The following HSPA12A variants were observed in gnomAD, a reference collection of about 807,000 sequenced individuals.
HSPA12A encodes the protein heat shock 70 kDa protein 12A.
In HSPA12A, 28 loss-of-function variants were observed where a neutral mutation model predicts 69.2. The observed-to-expected ratio is 0.40, with a 90% confidence interval of 0.30 to 0.55. HSPA12A has a LOEUF of 0.55. Among genes scored for constraint, HSPA12A ranks in the 20% least tolerant of loss-of-function variants. The pLI, the probability that HSPA12A is intolerant of heterozygous loss-of-function variation, is 0.38. For missense variants in HSPA12A, 686 were observed against 900.7 expected, an observed-to-expected ratio of 0.76 and a Z score of 3.05; for synonymous variants, 345 against 370.5, an observed-to-expected ratio of 0.93 and a Z score of 0.79.
At chr10:116,742,596 G>T, upstream of HSPA12A, 2 of 1,109,732 alleles carry the variant, frequency 1.8e-6, no homozygotes, top group South Asian at 8.7e-5. Flanking sequence ...GCGCTGCTCT[G>T]ACGCGGCAGC....
chr10:116,801,192 G>A (rs989650250), intron 2 of HSPA12A, among the ~76,000 whole-genome samples: 2 of 152,180 alleles, frequency 1.3e-5, no homozygotes, highest in Non-Finnish European at 2.9e-5. Context: ...GTGCATAATG[G>A]CTGGATTCTA....
chr10:116,811,532 G>C (rs995309052), intron 2 of HSPA12A, among the ~76,000 whole-genome samples: 2 of 136,134 alleles, frequency 1.5e-5, no homozygotes, highest in African/African-American at 5.6e-5. Flanking sequence ...ATTTCTCACT[G>C]ATCTTCCTTC....
chr10:116,793,521 C>G (rs1315333051), intron 2 of HSPA12A, among the ~76,000 whole-genome samples: 1 of 152,076 alleles, frequency 6.6e-6, no homozygotes, highest in African/African-American at 2.4e-5. Context: ...CAGTAAGCCA[C>G]GATCACACCA....
Position 116,674,572 on chromosome 10 carries a change from G to A in HSPA12A, c.*209C>T. 4 of 602,550 alleles carry A rather than the reference G, an allele frequency of 6.6e-6. No individual in the cohort carries two copies. The highest frequency in any genetic ancestry group is 1.2e-5 in the Non-Finnish European group (4 of 345,664). The allele number at this position is 602,550 out of a possible 1,614,324, so 37.3% of individuals were successfully genotyped here. A position where few individuals can be genotyped will look rare whatever the true frequency, so the allele number is the denominator to read the frequency against. On this transcript the variant is annotated 3_prime_UTR_variant, in exon 12 of 12. Transcript: ENST00000369209. Reference sequence around the variant, plus strand: ...CCTCCAGGATCCTTTAATTTTCTATGCCTAAACCTTAATCTTAATTTCTGT... The same window carrying A: ...CCTCCAGGATCCTTTAATTTTCTATACCTAAACCTTAATCTTAATTTCTGT...
chr10:116,808,511 G>A (rs545391713), intron 2 of HSPA12A, among the ~76,000 whole-genome samples: 3 of 152,192 alleles, frequency 2.0e-5, no homozygotes, highest in African/African-American at 7.2e-5. Context: ...CATTTCAATC[G>A]CCCCACAAGC....
chr10:116,758,346 G>A lies in HSPA12A; in HGVS notation c.92-51061C>T, dbSNP rs541373968. Among the ~76,000 whole-genome samples, 10 of 152,142 alleles carry A rather than the reference G, an allele frequency of 6.6e-5. No homozygotes were observed. In the South Asian group the frequency reaches 1.5e-3, roughly 22 times the overall value. ...CATTGCCCTGTGACTTCTGATTGCC[G>A]TTTATGAATCACCTACTATGTGCCA... is the stretch of plus-strand genomic sequence containing the variant. On this transcript the variant is annotated intron_variant, in intron 2 of 12. Transcript: ENST00000635765.
At chr10:116,690,809 T>C (rs1306521337) in intron 6 of HSPA12A, among the ~76,000 whole-genome samples, 1 of 152,124 alleles carries the variant, frequency 6.6e-6, no homozygotes, top group Admixed American at 6.5e-5. Context: ...CTCTTTTTTT[T>C]TTTCAGGCTA....
chr10:116,700,911 G>A (rs1850060125), intron 4 of HSPA12A, 32 bp downstream of exon 4: 1 of 1,603,612 alleles, frequency 6.2e-7, no homozygotes, highest in Middle Eastern at 2.0e-4. Flanking sequence ...TCCATTGCGG[G>A]GGACCTGGGC....
chr10:116,686,087 G>A lies in HSPA12A; in HGVS notation c.664-2125C>T, dbSNP rs1234687908. Among the ~76,000 whole-genome samples the A allele has an allele frequency of 6.6e-6, 1 of 152,084 alleles. No individual in the cohort carries two copies. The highest frequency in any genetic ancestry group is 2.4e-5 in the African/African-American group (1 of 41,398). On this transcript the variant is annotated intron_variant, in intron 6 of 11. Coordinates refer to ENST00000369209, the MANE Select transcript of HSPA12A (RefSeq NM_025015.3). The surrounding 1 kb of genome is among the most constrained non-coding windows in gnomAD (Gnocchi z 4.1). ...CAGGTGCATGACAGGATTTCCCACT[G>A]CCCCCTATTCAAGCAAGTAAAAGTC...
chr10:116,780,068 G>A (rs996624986), intron 2 of HSPA12A, among the ~76,000 whole-genome samples: 1 of 152,146 alleles, frequency 6.6e-6, no homozygotes, highest in African/African-American at 2.4e-5. Flanking sequence ...CTTCTCACGC[G>A]AAGGGCAAAG....
At chr10:116,705,396 C>T in intron 2 of HSPA12A, 118 bp from the exon 3 acceptor site, 2 of 1,209,664 alleles carry the variant, frequency 1.7e-6, no homozygotes, top group Non-Finnish European at 1.2e-6. Context: ...GAAAGACATT[C>T]TATATTCCAG....
intron 2 of HSPA12A, among the ~76,000 whole-genome samples, chr10:116,706,086 T>G (rs1342008087): frequency 4.0e-5 from 6 of 151,692 alleles, no homozygotes; most frequent in African/African-American, 9.7e-5. Flanking sequence ...TAGTAGAGAC[T>G]GGGTTTCACG....
At chr10:116,708,768 A>G (rs1380864841) in intron 1 of HSPA12A, among the ~76,000 whole-genome samples, 1 of 152,236 alleles carries the variant, frequency 6.6e-6, no homozygotes, top group Non-Finnish European at 1.5e-5. Flanking sequence ...CACAAAAGAT[A>G]TATCAACAAG....
intron 2 of HSPA12A, among the ~76,000 whole-genome samples, chr10:116,755,395 T>C (rs1554888660): frequency 6.6e-6 from 1 of 151,914 alleles, no homozygotes; most frequent in African/African-American, 2.4e-5. Context: ...GCAGATCACT[T>C]GAAGCCAGGA....
intron 2 of HSPA12A, among the ~76,000 whole-genome samples, chr10:116,758,407 G>C (rs1380827651): frequency 1.3e-5 from 2 of 152,162 alleles, no homozygotes; most frequent in South Asian, 2.1e-4. Flanking sequence ...TGAACTCTGA[G>C]CTGAGGTCCA....
intron 5 of HSPA12A, among the ~76,000 whole-genome samples, chr10:116,697,377 T>A (rs1304037441): frequency 2.7e-5 from 4 of 149,748 alleles, no homozygotes; most frequent in Non-Finnish European, 5.9e-5. Context: ...CAGGCCACCA[T>A]GACCACAGAC....
intron 1 of HSPA12A, among the ~76,000 whole-genome samples, chr10:116,727,717 G>C (rs1453194693): frequency 2.0e-5 from 3 of 147,814 alleles, no homozygotes; most frequent in East Asian, 2.0e-4. Flanking sequence ...CTTTGTGTTA[G>C]ATGATTTTGT....
At chr10:116,753,264 G>T (rs1843750852) in intron 2 of HSPA12A, among the ~76,000 whole-genome samples, 2 of 152,074 alleles carry the variant, frequency 1.3e-5, no homozygotes, top group Admixed American at 1.3e-4. Context: ...GCTCAGACAG[G>T]CCTGTGTCCC....
At chr10:116,783,011 C>T (rs1346538283) in intron 2 of HSPA12A, among the ~76,000 whole-genome samples, 7 of 152,222 alleles carry the variant, frequency 4.6e-5, no homozygotes, top group African/African-American at 1.7e-4. Flanking sequence ...AGGGAAATGA[C>T]AAATGTCTCC....
Sources: gnomAD v4.1 joint callset for allele counts (sites outside exome capture counted in the v4.1 genomes callset) on GRCh38, gnomAD v4.1.1 for gene constraint, Gnocchi (gnomAD v3.1) non-coding constraint, MANE v1.5 for transcripts, NCBI Gene and HGNC (gene_info 2026-07-23, HGNC 2026-07-21) for gene names.